The following DST variants were observed in gnomAD, a reference collection of about 807,000 sequenced individuals.
DST encodes bullous pemphigoid antigen.
DST carries 253 observed loss-of-function variants against 875.2 expected under a neutral mutation model. The observed-to-expected ratio is 0.29, with a 90% CI of 0.26 to 0.32. DST has a LOEUF of 0.32. Among genes scored for constraint, DST ranks in the 10% least tolerant of loss-of-function variants. The pLI is 1.00. For synonymous variants in DST, 3,124 were observed against 3,197.1 expected (o/e 0.98, Z 0.77); for missense variants, 8,287 against 9,111.6 (o/e 0.91, Z 3.68).
At chr6:56,900,352 A>C in intron 3 of DST, 69 bp downstream of exon 3, 2 of 1,233,130 alleles carry the variant, frequency 1.6e-6, no homozygotes, top group Middle Eastern at 4.6e-4. Flanking sequence ...AATGTTTTTA[A>C]ACTAAAAGAA....
intron 2 of DST, among the ~76,000 whole-genome samples, chr6:56,940,191 T>TACACACACACAC (rs59001581): frequency 1.4e-5 from 2 of 142,214 alleles, no homozygotes; most frequent in African/African-American, 5.2e-5. Context: ...ATTACCCCCA[T>TACACACACACAC]ACACACACAC....
intron 2 of DST, among the ~76,000 whole-genome samples, chr6:56,914,740 A>G (rs1800144976): frequency 6.6e-6 from 1 of 152,250 alleles, no homozygotes; most frequent in African/African-American, 2.4e-5. Flanking sequence ...ATGACAAGAA[A>G]GATCCAGCAA....
At chr6:56,716,526 A>C (rs2099395133) in intron 5 of DST, among the ~76,000 whole-genome samples, 2 of 152,226 alleles carry the variant, frequency 1.3e-5, no homozygotes, top group South Asian at 2.1e-4. Flanking sequence ...TTAAAAACTT[A>C]ACAATACGAG....
chr6:56,572,026 A>G, intron 53 of DST, 74 bp downstream of exon 53: 1 of 829,526 alleles, frequency 1.2e-6, no homozygotes, highest in Non-Finnish European at 1.7e-6. Context: ...TCAGTTATCT[A>G]TATAAGTAAA....
Position 56,469,886 on chromosome 6 carries a change from G to A in DST, c.22548C>T (p.Tyr7516=). The change falls in exon 97 of 104, where the codon TAC becomes TAT. Residue 7516 remains tyrosine, a synonymous_variant. Transcript: ENST00000680361. ...FQVEQIGDNK[Y]RFFLGNQFGD... ...CAACATTACTTTGAAAACTTACCCTGTATTTATTATCACCAATCTGCTCAA... is the reference window on the plus strand; with the variant it reads ...CAACATTACTTTGAAAACTTACCCTATATTTATTATCACCAATCTGCTCAA... 6.2e-7 allele frequency: 1 copy of A among 1,612,428 alleles called. No individual in the cohort carries two copies. The highest frequency in any genetic ancestry group is 8.5e-7 in the Non-Finnish European group (1 of 1,178,700).
At chr6:56,646,049 A>G in intron 14 of DST, 38 bp downstream of exon 14, 1 of 1,585,704 alleles carries the variant, frequency 6.3e-7, no homozygotes, top group Non-Finnish European at 8.6e-7. Context: ...AACAAAACAA[A>G]GACTATGCTT....
Position 56,609,110 on chromosome 6 carries a change from T to C in DST, c.5518A>G (p.Lys1840Glu), listed in dbSNP as rs778265473. Residue 1840 changes from lysine to glutamate, a missense_variant, in exon 40 of 104, where the codon AAA becomes GAA. Lys to Glu is a moderately conservative substitution (Grantham distance 56). Coordinates refer to ENST00000680361, the MANE Select transcript of DST (RefSeq NM_001374736.1). ...GCAGCAGAAATAATCTCCTTAGCTT[T>C]ACTTAGTTCTTTGAGTTGGCACAGA... ...QILCQLKELS[K>E]AKEIISAASP... 7 of 1,613,856 alleles carry C rather than the reference T, an allele frequency of 4.3e-6. No individual in the cohort carries two copies. The South Asian group carries it at 7.7e-5, about 18-fold the overall frequency.
rs1203055083 is a variant in DST at position 56,712,078 on chromosome 6, G to A, written c.688-7709C>T. Reference sequence around the variant, plus strand: ...TGCACTCCAGCCTGGGCGACAGAGCGAGACTCCGTCTCAAAAAAAAAAAAA... The same window carrying A: ...TGCACTCCAGCCTGGGCGACAGAGCAAGACTCCGTCTCAAAAAAAAAAAAA... On this transcript the variant is annotated intron_variant, in intron 5 of 103. Transcript: ENST00000680361. Among the ~76,000 whole-genome samples, 25 of 104,522 alleles carry A rather than the reference G, an allele frequency of 2.4e-4. No homozygotes were observed. In the East Asian group the frequency reaches 4.2e-3, roughly 18 times the overall value. 68.6% of individuals were successfully genotyped at this position (104,522 alleles called of 152,430 possible).
intron 4 of DST, among the ~76,000 whole-genome samples, chr6:56,799,177 C>G (rs1470201675): frequency 1.3e-5 from 2 of 152,136 alleles, no homozygotes; most frequent in African/African-American, 4.8e-5. Flanking sequence ...GAAAGAAGTT[C>G]TACTGTGGGT....
At chr6:56,810,704 C>T (rs1189874253) in intron 4 of DST, among the ~76,000 whole-genome samples, 1 of 150,452 alleles carries the variant, frequency 6.6e-6, no homozygotes, top group Non-Finnish European at 1.5e-5. Context: ...TGCTCAGGGT[C>T]TCACAGGGAA....
chr6:56,657,834 C>T (rs2099017801), intron 10 of DST, among the ~76,000 whole-genome samples: 1 of 152,178 alleles, frequency 6.6e-6, no homozygotes, highest in Non-Finnish European at 1.5e-5. Context: ...GGTGCAATCT[C>T]AGCTCACTGC....
rs186159541 is a variant in DST, at chr6:56,536,002, T to C, written c.16771-710A>G. ...TGCACTACACATATGTATCAGACTT[T>C]AAAGAATGAATAATATAGTTTCAAG... On this transcript the variant is annotated intron_variant, in intron 62 of 103. Transcript: ENST00000680361. Among the ~76,000 whole-genome samples the C allele has an allele frequency of 2.0e-5, 3 of 152,334 alleles. No individual in the cohort carries two copies. The East Asian group carries it at 5.8e-4, about 29-fold the overall frequency.
chr6:56,546,255 A>C (rs2097217469), intron 61 of DST, among the ~76,000 whole-genome samples: 1 of 149,566 alleles, frequency 6.7e-6, no homozygotes, highest in African/African-American at 2.5e-5. Flanking sequence ...CCACATCTTC[A>C]ATGAGGTTTT....
Position 56,722,362 on chromosome 6 carries a change from A to ATGTTTGTTTGTTTGTTTGTT in DST, c.687+12865_687+12866insAACAAACAAACAAACAAACA, listed in dbSNP as rs34299400. On this transcript the variant is annotated intron_variant, in intron 5 of 103. Transcript: ENST00000680361. ...TCTTTTTTGACAATAAAAGTAGTAC[A>ATGTTTGTTTGTTTGTTTGTT]TGTTTGTTTATTTATTTATTTATTT... 6.2e-3 allele frequency among the ~76,000 whole-genome samples: 912 copies of ATGTTTGTTTGTTTGTTTGTT among 146,458 alleles called. 11 individuals carry two copies. The highest frequency in any genetic ancestry group is 0.024 in the African/African-American group (884 of 37,602).
chr6:56,512,119 G>C (rs991818927), intron 72 of DST, among the ~76,000 whole-genome samples: 15 of 152,070 alleles, frequency 9.9e-5, no homozygotes, highest in Non-Finnish European at 2.1e-4. Flanking sequence ...AAATATTAAA[G>C]GCTGCAAGGG....
intron 72 of DST, among the ~76,000 whole-genome samples, chr6:56,512,237 C>T (rs1375226076): frequency 6.6e-6 from 1 of 152,162 alleles, no homozygotes; most frequent in Non-Finnish European, 1.5e-5. Flanking sequence ...TCAAGAAATA[C>T]AATGATATTT....
At chr6:56,468,866 T>A in intron 98 of DST, 116 bp downstream of exon 98, 1 of 774,518 alleles carries the variant, frequency 1.3e-6, no homozygotes. Flanking sequence ...CAACCAACAA[T>A]GTAGTAGCTA....
intron 63 of DST, among the ~76,000 whole-genome samples, chr6:56,533,820 T>G (rs1406945107): frequency 1.3e-5 from 2 of 152,196 alleles, no homozygotes; most frequent in African/African-American, 2.4e-5. Context: ...TTTCCCAATA[T>G]GCTGAAGTTT....
intron 2 of DST, among the ~76,000 whole-genome samples, chr6:56,936,167 A>G (rs1209319711): frequency 6.6e-6 from 1 of 152,218 alleles, no homozygotes; most frequent in Non-Finnish European, 1.5e-5. Flanking sequence ...TAAAAAGAGA[A>G]AAGTAACAAG....
Sources: allele counts gnomAD v4.1 joint callset (sites outside exome capture counted in the v4.1 genomes callset), GRCh38; gene constraint gnomAD v4.1.1; transcripts MANE v1.5; gene names NCBI Gene and HGNC (gene_info 2026-07-23, HGNC 2026-07-21).